PCDHA2: variants seen among roughly 807,000 people sequenced by gnomAD.
PCDHA2 encodes the protein protocadherin alpha 2.
PCDHA2 carries 58 observed loss-of-function variants against 66.0 expected under a neutral mutation model. The observed-to-expected ratio is 0.88, with a 90% CI of 0.71 to 1.09. PCDHA2 has a LOEUF of 1.09. Among genes scored for constraint, PCDHA2 ranks in the 50% least tolerant of loss-of-function variants. PCDHA2 has a pLI of 0.00. For synonymous variants in PCDHA2, 634 were observed against 554.0 expected (o/e 1.14, Z -2.03); for missense variants, 1,267 against 1,242.3 (o/e 1.02, Z -0.30).
intron 1 of PCDHA2, chr5:140,968,168 A>T (rs145694919): frequency 3.1e-6 from 5 of 1,614,098 alleles, no homozygotes; most frequent in Non-Finnish European, 4.2e-6. Context: ...CAATCCACCA[A>T]GCTTCCTGGA....
chr5:140,931,716 T>G (rs1205500293), intron 1 of PCDHA2, among the ~76,000 whole-genome samples: 5 of 151,962 alleles, frequency 3.3e-5, no homozygotes, highest in Admixed American at 3.3e-4. Context: ...TAAAATAACT[T>G]CTATAAATAT....
chr5:140,835,454 C>T (rs782148594), intron 1 of PCDHA2: 4 of 1,613,928 alleles, frequency 2.5e-6, no homozygotes, highest in Non-Finnish European at 3.4e-6. Flanking sequence ...CCCTGTCTCT[C>T]CCTATTCCAG....
chr5:140,848,406 G>T lies in PCDHA2; in HGVS notation c.2388+51054G>T, dbSNP rs2150410052. On this transcript the variant is annotated intron_variant, in intron 1 of 3. Coordinates refer to ENST00000526136, the MANE Select transcript of PCDHA2 (RefSeq NM_018905.3). ...CACTCTCTCTGTGCTGAACGATGGCGAACACAGCAGAATGGGACTGACGAA... is the reference window on the plus strand; with the variant it reads ...CACTCTCTCTGTGCTGAACGATGGCTAACACAGCAGAATGGGACTGACGAA... The T allele has an allele frequency of 2.9e-3, 3,827 of 1,338,984 alleles. 272 individuals carry two copies. The African/African-American group carries it at 0.048, about 17-fold the overall frequency. The allele number at this position is 1,338,984 out of a possible 1,614,324, so 82.9% of individuals were successfully genotyped here. A position where few individuals can be genotyped will look rare whatever the true frequency, so the allele number is the denominator to read the frequency against.
At chr5:140,945,091 TAAAC>T (rs1467444609) in intron 1 of PCDHA2, among the ~76,000 whole-genome samples, 2 of 152,110 alleles carry the variant, frequency 1.3e-5, no homozygotes, top group African/African-American at 2.4e-5. Context: ...TTGGAACTAA[TAAAC>T]AAAATAAAGT....
At chr5:140,883,957 G>T (rs879988838) in intron 1 of PCDHA2, 1 of 1,613,246 alleles carries the variant, frequency 6.2e-7, no homozygotes, top group Non-Finnish European at 8.5e-7. Context: ...ACAACGCTCC[G>T]GCGCTGCTGA....
At chr5:141,000,415 A>AT (rs1563651650) in intron 3 of PCDHA2, among the ~76,000 whole-genome samples, 6 of 87,394 alleles carry the variant, frequency 6.9e-5, no homozygotes, top group African/African-American at 1.5e-4. Flanking sequence ...ATATATATAT[A>AT]TATATATTTT....
rs1335115262 is a variant in PCDHA2 at position 140,796,274 on chromosome 5, C to A, written c.1310C>A (p.Ala437Asp). ...ARDGGSPSLW[A>D]TTSVSIEVAD... Reference sequence around the variant, plus strand: ...GACGGGGGCTCGCCTTCACTGTGGGCCACCACCAGCGTGTCCATCGAGGTG... The same window carrying A: ...GACGGGGGCTCGCCTTCACTGTGGGACACCACCAGCGTGTCCATCGAGGTG... The change falls in exon 1 of 4, where the codon GCC becomes GAC. Residue 437 changes from alanine to aspartate, a missense_variant. Coordinates refer to ENST00000526136, the MANE Select transcript of PCDHA2 (RefSeq NM_018905.3). 6.2e-7 allele frequency: 1 copy of A among 1,613,974 alleles called. No individual in the cohort carries two copies. Among genetic ancestry groups the A allele is most frequent in the Non-Finnish European group, 8.5e-7 (1 of 1,180,054 alleles).
chr5:140,829,407 C>G (rs1357066039), intron 1 of PCDHA2: 1 of 1,614,022 alleles, frequency 6.2e-7, no homozygotes, highest in Non-Finnish European at 8.5e-7. Flanking sequence ...TGGGCCACCG[C>G]CAGCTTGTCT....
intron 1 of PCDHA2, chr5:140,966,748 T>G: frequency 1.4e-6 from 2 of 1,426,956 alleles, no homozygotes; most frequent in Non-Finnish European, 1.8e-6. Flanking sequence ...CCCGGCTGCC[T>G]CCGCCGCGGC....
intron 1 of PCDHA2, among the ~76,000 whole-genome samples, chr5:140,945,317 A>C (rs1322598969): frequency 1.3e-5 from 2 of 152,150 alleles, no homozygotes; most frequent in Non-Finnish European, 2.9e-5. Context: ...AAATAAATGG[A>C]AATATATTTT....
rs1781486578 is a variant in PCDHA2, at chr5:140,848,384, T to G, written c.2388+51032T>G. Reference sequence around the variant, plus strand: ...GGAAAGAGGCTCAATTCTTTTTCACTCTCTCTGTGCTGAACGATGGCGAAC... The same window carrying G: ...GGAAAGAGGCTCAATTCTTTTTCACGCTCTCTGTGCTGAACGATGGCGAAC... On this transcript the variant is annotated intron_variant, in intron 1 of 3. Transcript: ENST00000526136. 4 of 1,203,868 alleles carry G rather than the reference T, an allele frequency of 3.3e-6. No homozygotes were observed. In the East Asian group the frequency reaches 9.3e-5, roughly 28 times the overall value. The allele number at this position is 1,203,868 out of a possible 1,614,324, so 74.6% of individuals were successfully genotyped here. A position where few individuals can be genotyped will look rare whatever the true frequency, so the allele number is the denominator to read the frequency against.
intron 1 of PCDHA2, among the ~76,000 whole-genome samples, chr5:140,893,013 CCTGACTTATTTCA>C (rs2063781212): frequency 6.6e-6 from 1 of 152,170 alleles, no homozygotes; most frequent in African/African-American, 2.4e-5. Context: ...TTTTTCTGTG[CCTGACTTATTTCA>C]CTTAACATAT....
intron 1 of PCDHA2, chr5:140,856,405 C>T: frequency 6.3e-7 from 1 of 1,598,432 alleles, no homozygotes; most frequent in Non-Finnish European, 8.6e-7. Flanking sequence ...TCCATGTGGA[C>T]GTGGAAGTGA....
rs1562356930 is a variant in PCDHA2, at chr5:140,836,340, G to A, written c.2388+38988G>A. ...CCACCGCCTTCTGGTGCTTGTGAAG[G>A]ACCACGGGGAGCCCTCGCTGACAGC... On this transcript the variant is annotated intron_variant, in intron 1 of 3. Transcript: ENST00000526136. 9.3e-6 allele frequency: 15 copies of A among 1,613,706 alleles called. 1 individual carries two copies. Among genetic ancestry groups the A allele is most frequent in the Non-Finnish European group, 1.3e-5 (15 of 1,179,826 alleles).
chr5:140,858,449 G>C, intron 1 of PCDHA2: 1 of 1,532,030 alleles, frequency 6.5e-7, no homozygotes, highest in East Asian at 2.4e-5. Context: ...GGGTTATTAC[G>C]TTTTCATTTT....
chr5:140,944,317 A>G (rs2093641596), intron 1 of PCDHA2, among the ~76,000 whole-genome samples: 2 of 152,090 alleles, frequency 1.3e-5, no homozygotes. Flanking sequence ...CCTCCTGAGT[A>G]GCTGGGATTA....
intron 1 of PCDHA2, among the ~76,000 whole-genome samples, chr5:140,826,793 T>C (rs1346531723): frequency 6.6e-5 from 10 of 152,152 alleles, no homozygotes; most frequent in Admixed American, 6.5e-4. Context: ...TGCAAAAAGT[T>C]GATTACCTAA....
chr5:140,842,979 T>C (rs2150349093), intron 1 of PCDHA2: 1 of 1,594,876 alleles, frequency 6.3e-7, no homozygotes, highest in Non-Finnish European at 8.6e-7. Context: ...ACGCTGCAGG[T>C]GTTCGTGCTG....
In PCDHA2 at chr5:140,977,177, T is replaced by G. The variant is rs139020033; in HGVS notation, c.2389-1772T>G. On this transcript the variant is annotated intron_variant, in intron 1 of 3. Coordinates refer to ENST00000526136, the MANE Select transcript of PCDHA2 (RefSeq NM_018905.3). ...CCTTTCAGCAAAATGAGTTTGATGA[T>G]TTCATTCCAAAGATCAAGTTGCAGC... 6.8e-3 allele frequency among the ~76,000 whole-genome samples: 1,032 copies of G among 152,274 alleles called. 9 individuals are homozygous for G. Among genetic ancestry groups the G allele is most frequent in the African/African-American group, 0.023 (966 of 41,542 alleles).
Sources: allele counts gnomAD v4.1 joint callset (sites outside exome capture counted in the v4.1 genomes callset), GRCh38; gene constraint gnomAD v4.1.1; transcripts MANE v1.5; gene names NCBI Gene and HGNC (gene_info 2026-07-23, HGNC 2026-07-21).